PLD5: variants seen among roughly 807,000 people sequenced by gnomAD.
The protein encoded by PLD5 is phospholipase D family member 5, also known as inactive phospholipase D5.
Under a neutral mutation model 61.1 loss-of-function variants are expected in PLD5, and 36 were observed. That is an observed-to-expected ratio of 0.59 (90% confidence interval 0.45 to 0.78). The LOEUF is 0.78. Ranked by LOEUF, PLD5 falls within the 30% of genes least tolerant of loss-of-function variation. The probability of loss-of-function intolerance (pLI) is 0.00; values close to 1 mark genes in which losing one functional copy is unlikely to be tolerated. For missense variants in PLD5, 515 were observed against 644.4 expected, an observed-to-expected ratio of 0.80 and a Z score of 2.17; for synonymous variants, 243 against 242.8, an observed-to-expected ratio of 1.00 and a Z score of -0.01.
At chr1:242,158,847 T>G (rs1665601687) in intron 5 of PLD5, among the ~76,000 whole-genome samples, 1 of 152,184 alleles carries the variant, frequency 6.6e-6, no homozygotes, top group South Asian at 2.1e-4. Flanking sequence ...TTTTGATTCT[T>G]CCCTCAACTG....
At chr1:242,285,696 C>G (rs1426880247) in intron 3 of PLD5, among the ~76,000 whole-genome samples, 2 of 151,468 alleles carry the variant, frequency 1.3e-5, no homozygotes, top group Admixed American at 1.3e-4. Flanking sequence ...GAAAATACAA[C>G]TAATGAACTT....
intron 1 of PLD5, among the ~76,000 whole-genome samples, chr1:242,379,168 A>T (rs1662142276): frequency 6.6e-6 from 1 of 152,168 alleles, no homozygotes; most frequent in African/African-American, 2.4e-5. Flanking sequence ...CTCAACTTAA[A>T]TGTAACAGGG....
chr1:242,402,324 A>G (rs1663984818), intron 1 of PLD5, among the ~76,000 whole-genome samples: 1 of 152,176 alleles, frequency 6.6e-6, no homozygotes, highest in South Asian at 2.1e-4. Context: ...TACCACATTG[A>G]CCTTCACTGC....
intron 2 of PLD5, among the ~76,000 whole-genome samples, chr1:242,325,889 T>C (rs554293214): frequency 3.3e-5 from 5 of 152,244 alleles, no homozygotes; most frequent in African/African-American, 1.2e-4. Context: ...CATTTATTTT[T>C]CTTTTTATTA....
At chr1:242,509,591 G>A (rs1668839001) in intron 1 of PLD5, among the ~76,000 whole-genome samples, 1 of 152,134 alleles carries the variant, frequency 6.6e-6, no homozygotes, top group South Asian at 2.1e-4. Flanking sequence ...TAAAGAAAAT[G>A]GGCAGAGAGA....
intron 1 of PLD5, among the ~76,000 whole-genome samples, chr1:242,425,465 A>G: frequency 6.6e-6 from 1 of 152,202 alleles, no homozygotes; most frequent in East Asian, 1.9e-4. Context: ...TGGAGCTTGC[A>G]GGACCGGAAG....
intron 5 of PLD5, among the ~76,000 whole-genome samples, chr1:242,157,329 T>G (rs1369055565): frequency 6.6e-6 from 1 of 152,206 alleles, no homozygotes; most frequent in Admixed American, 6.5e-5. Context: ...AGTTTGTTAT[T>G]ACCCACCTTC....
intron 1 of PLD5, among the ~76,000 whole-genome samples, chr1:242,519,010 A>G (rs1669193726): frequency 6.6e-6 from 1 of 152,164 alleles, no homozygotes; most frequent in South Asian, 2.1e-4. Context: ...CCTGCCTCCA[A>G]CTATAGCTTG....
chr1:242,272,709 T>C lies in PLD5; in HGVS notation c.496-7261A>G, dbSNP rs547088712. ...CTCTAGAAAGCTATGAATAGGTGGG[T>C]ACCTCATAGCAAAACCATGAAAGGA... is the stretch of plus-strand genomic sequence containing the variant. On this transcript the variant is annotated intron_variant, in intron 3 of 9. Transcript: ENST00000536534. Among the ~76,000 whole-genome samples the C allele has an allele frequency of 3.0e-3, 451 of 152,234 alleles. 3 individuals are homozygous for C. Among genetic ancestry groups the C allele is most frequent in the Middle Eastern group, 3.4e-3 (1 of 294 alleles).
At chr1:242,245,305 G>A (rs1672291470) in intron 4 of PLD5, among the ~76,000 whole-genome samples, 1 of 152,168 alleles carries the variant, frequency 6.6e-6, no homozygotes, top group African/African-American at 2.4e-5. Context: ...TCTTGACTGA[G>A]GCATAATTAT....
At chr1:242,212,918 G>A (rs1669924068) in intron 5 of PLD5, among the ~76,000 whole-genome samples, 2 of 152,196 alleles carry the variant, frequency 1.3e-5, no homozygotes, top group Non-Finnish European at 2.9e-5. Context: ...TTTGAAGGGA[G>A]AGAAATTACA....
chr1:242,295,512 C>A (rs1675606146), intron 2 of PLD5, among the ~76,000 whole-genome samples: 1 of 152,192 alleles, frequency 6.6e-6, no homozygotes, highest in South Asian at 2.1e-4. Flanking sequence ...ATGGTGTATA[C>A]ATACCACATT....
intron 1 of PLD5, among the ~76,000 whole-genome samples, chr1:242,479,177 G>A (rs945064435): frequency 1.3e-5 from 2 of 152,134 alleles, no homozygotes; most frequent in African/African-American, 4.8e-5. Flanking sequence ...AATGGACCAT[G>A]GGCAGCACAG....
chr1:242,337,607 G>A (rs1659598261), intron 2 of PLD5, among the ~76,000 whole-genome samples: 1 of 152,150 alleles, frequency 6.6e-6, no homozygotes, highest in Non-Finnish European at 1.5e-5. Flanking sequence ...CTCCAGCCAG[G>A]GCAACGAGAG....
chr1:242,415,327 A>G (rs1664760174), intron 1 of PLD5, among the ~76,000 whole-genome samples: 1 of 152,174 alleles, frequency 6.6e-6, no homozygotes, highest in African/African-American at 2.4e-5. Flanking sequence ...TGAAACAGCA[A>G]AAGCCTAGAA....
chr1:242,513,082 G>A (rs912162425), intron 1 of PLD5, among the ~76,000 whole-genome samples: 1 of 152,006 alleles, frequency 6.6e-6, no homozygotes, highest in African/African-American at 2.4e-5. Context: ...ATCTCACTAT[G>A]TTTTCCAGCC....
chr1:242,519,014 T>G (rs1031184420), intron 1 of PLD5, among the ~76,000 whole-genome samples: 3 of 152,236 alleles, frequency 2.0e-5, no homozygotes, highest in South Asian at 2.1e-4. Flanking sequence ...CCTCCAACTA[T>G]AGCTTGTCTG....
intron 1 of PLD5, among the ~76,000 whole-genome samples, chr1:242,478,368 T>C (rs1351849833): frequency 6.6e-6 from 1 of 152,152 alleles, no homozygotes; most frequent in East Asian, 1.9e-4. Context: ...GACCTCTGGG[T>C]GGCTGCCTTG....
chr1:242,305,997 C>T (rs2149166960), intron 2 of PLD5, among the ~76,000 whole-genome samples: 1 of 152,258 alleles, frequency 6.6e-6, no homozygotes, highest in South Asian at 2.1e-4. Context: ...AAAGGACCCG[C>T]CACCTGGACC....
Sources: gnomAD v4.1 joint callset for allele counts (sites outside exome capture counted in the v4.1 genomes callset) on GRCh38, gnomAD v4.1.1 for gene constraint, MANE v1.5 for transcripts, NCBI Gene and HGNC (gene_info 2026-07-23, HGNC 2026-07-21) for gene names.